RIC1: variants seen among roughly 807,000 people sequenced by gnomAD.
RIC1 encodes RIC1 partner of RAB6A GEF complex.
A neutral mutation model predicts 169.0 loss-of-function variants in RIC1; 88 were observed. That is an observed-to-expected ratio of 0.52 (90% CI 0.44 to 0.62). RIC1 has a LOEUF of 0.62. Among genes scored for constraint, RIC1 ranks in the 20% least tolerant of loss-of-function variants. The pLI is 0.00. For missense variants in RIC1, 1,877 were observed against 1,725.5 expected (o/e 1.09, Z -1.56); for synonymous variants, 790 against 601.5 (o/e 1.31, Z -4.59).
intron 3 of RIC1, among the ~76,000 whole-genome samples, chr9:5,691,302 A>G (rs1244236055): frequency 6.6e-6 from 1 of 151,964 alleles, no homozygotes; most frequent in African/African-American, 2.4e-5. Context: ...TACAGTACAA[A>G]TATTTATAGT....
At chr9:5,742,533 T>C (rs537590499) in intron 8 of RIC1, among the ~76,000 whole-genome samples, 92 of 152,168 alleles carry the variant, frequency 6.0e-4, no homozygotes, top group Non-Finnish European at 1.2e-3. Flanking sequence ...CAGCTTTTAC[T>C]GTAACCTTAT....
At chr9:5,719,096 A>C (rs566969602) in intron 4 of RIC1, 1 of 152,268 alleles carries the variant, frequency 6.6e-6, no homozygotes, top group South Asian at 2.1e-4. Flanking sequence ...TTTTCCTTAT[A>C]TAGTATTTGA....
intron 4 of RIC1, among the ~76,000 whole-genome samples, chr9:5,717,463 C>A (rs1206973353): frequency 6.6e-6 from 1 of 152,096 alleles, no homozygotes; most frequent in Non-Finnish European, 1.5e-5. Context: ...TCAAAAGGAT[C>A]AGATTCTGGA....
At position 5,770,169 on chromosome 9, in the gene RIC1, A is replaced by T; in HGVS notation, c.3507A>T (p.Arg1169=). The T allele has an allele frequency of 1.2e-6, 2 of 1,614,010 alleles. No individual in the cohort carries two copies. Among genetic ancestry groups the T allele is most frequent in the South Asian group, 2.2e-5 (2 of 91,072 alleles). The change falls in exon 23 of 26, where the codon CGA becomes CGT. Residue 1169 remains arginine (R), a synonymous_variant. Transcript: ENST00000414202. ...EMDAGISNIQ[R]SQSWLSNIGP... Reference sequence around the variant, plus strand: ...ATGCTGGCATCTCCAACATCCAGCGAAGTCAGAGCTGGCTCAGCAACATTG... The same window carrying T: ...ATGCTGGCATCTCCAACATCCAGCGTAGTCAGAGCTGGCTCAGCAACATTG...
At chr9:5,670,090 T>C (rs1563884468) in intron 2 of RIC1, among the ~76,000 whole-genome samples, 1 of 152,216 alleles carries the variant, frequency 6.6e-6, no homozygotes, top group Non-Finnish European at 1.5e-5. Context: ...TGGATACCTG[T>C]GCATCTCACA....
intron 3 of RIC1, among the ~76,000 whole-genome samples, chr9:5,690,326 C>G (rs1248087408): frequency 1.3e-5 from 2 of 152,050 alleles, no homozygotes; most frequent in Middle Eastern, 3.4e-3. Flanking sequence ...TAGGGAAGAG[C>G]TAAGAGATCA....
At chr9:5,640,450 C>G (rs1206939367) in intron 1 of RIC1, among the ~76,000 whole-genome samples, 1 of 152,118 alleles carries the variant, frequency 6.6e-6, no homozygotes, top group African/African-American at 2.4e-5. Context: ...TTTGTTGTTT[C>G]TCCTTATGTC....
chr9:5,680,769 A>G (rs184573478), intron 2 of RIC1, among the ~76,000 whole-genome samples: 6 of 134,858 alleles, frequency 4.4e-5, no homozygotes, highest in African/African-American at 1.4e-4. Context: ...CTAGCGGTCT[A>G]TCAATTTTGT....
At chr9:5,651,817 C>T (rs568378612) in intron 1 of RIC1, among the ~76,000 whole-genome samples, 1 of 152,118 alleles carries the variant, frequency 6.6e-6, no homozygotes, top group African/African-American at 2.4e-5. Flanking sequence ...ATCTGCCCAC[C>T]TCGGCCTCCC....
At chr9:5,748,437 C>G (rs1825519277) in intron 12 of RIC1, 1 of 152,510 alleles carries the variant, frequency 6.6e-6, no homozygotes, top group East Asian at 1.9e-4. Flanking sequence ...CTGGTATACA[C>G]TAAAAGAAAA....
intron 1 of RIC1, among the ~76,000 whole-genome samples, chr9:5,644,636 G>T (rs73390683): frequency 6.6e-6 from 1 of 151,968 alleles, no homozygotes; most frequent in Non-Finnish European, 1.5e-5. Context: ...TGCATATGCC[G>T]CATTTCTATC....
In RIC1 at chr9:5,763,016, C is replaced by T. The variant is rs1173991871; in HGVS notation, c.2113-124C>T. ...TATTAACTCTAATTCTAATTAGATC[C>T]CTTTGCTTTTCCCAAAAAAATATTA... On this transcript the variant is annotated intron_variant, in intron 18 of 25. Transcript: ENST00000414202. This position sits in a 1 kb window ranked among gnomAD's most constrained non-coding sequence, Gnocchi z 5.2. 4 of 1,130,586 alleles carry T rather than the reference C, an allele frequency of 3.5e-6. No homozygotes were observed. The highest frequency in any genetic ancestry group is 3.0e-4 in the Middle Eastern group (1 of 3,322). 70.0% of individuals were successfully genotyped at this position (1,130,586 alleles called of 1,614,324 possible). A position where few individuals can be genotyped will look rare whatever the true frequency, so the allele number is the denominator to read the frequency against.
At chr9:5,710,128 C>G (rs1563917851) in intron 3 of RIC1, among the ~76,000 whole-genome samples, 1 of 152,104 alleles carries the variant, frequency 6.6e-6, no homozygotes, top group Non-Finnish European at 1.5e-5. Flanking sequence ...GCTTAAGAAC[C>G]TACAGGATAC....
chr9:5,747,463 A>T lies in RIC1; in HGVS notation c.1410A>T (p.Gly470=). ...CAGATGGAGGTTTAGAGTCTCAGGGATTAAGCACTTTACTTGGACATCGGC... is the reference window on the plus strand; with the variant it reads ...CAGATGGAGGTTTAGAGTCTCAGGGTTTAAGCACTTTACTTGGACATCGGC... ...PFADGGLESQ[G]LSTLLGHRHW... Residue 470 remains glycine (G), a synonymous_variant, in exon 12 of 26, where the codon GGA becomes GGT. Transcript: ENST00000414202. 1.9e-6 allele frequency: 3 copies of T among 1,614,116 alleles called. No homozygotes were observed. Among genetic ancestry groups the T allele is most frequent in the Non-Finnish European group, 1.7e-6 (2 of 1,179,942 alleles).
chr9:5,650,084 G>T (rs1176733870), intron 1 of RIC1, among the ~76,000 whole-genome samples: 1 of 152,160 alleles, frequency 6.6e-6, no homozygotes, highest in Non-Finnish European at 1.5e-5. Context: ...GCAGCAGACT[G>T]TGTGCCTGTC....
At chr9:5,728,932 T>C (rs2130909857) in intron 6 of RIC1, among the ~76,000 whole-genome samples, 1 of 152,312 alleles carries the variant, frequency 6.6e-6, no homozygotes, top group South Asian at 2.1e-4. Flanking sequence ...TGGTTTACTA[T>C]GTCCTTTACC....
chr9:5,696,798 A>G (rs1190160392), intron 3 of RIC1, among the ~76,000 whole-genome samples: 2 of 152,190 alleles, frequency 1.3e-5, no homozygotes, highest in Non-Finnish European at 2.9e-5. Flanking sequence ...GTATTACATT[A>G]TCCATTGTCT....
At chr9:5,634,333 C>T (rs189838282) in intron 1 of RIC1, among the ~76,000 whole-genome samples, 5 of 152,312 alleles carry the variant, frequency 3.3e-5, no homozygotes, top group Admixed American at 1.3e-4. Flanking sequence ...TACCATTTTG[C>T]AGTCCCGTCA....
chr9:5,659,763 T>C (rs1446116937), intron 2 of RIC1, among the ~76,000 whole-genome samples: 1 of 152,200 alleles, frequency 6.6e-6, no homozygotes, highest in East Asian at 1.9e-4. Context: ...TAAATTTCTT[T>C]TTGATGCTAT....
Sources: gnomAD v4.1 joint callset for allele counts (sites outside exome capture counted in the v4.1 genomes callset) on GRCh38, gnomAD v4.1.1 for gene constraint, Gnocchi (gnomAD v3.1) non-coding constraint, MANE v1.5 for transcripts, NCBI Gene and HGNC (gene_info 2026-07-23, HGNC 2026-07-21) for gene names.